HMGB3: variants seen among roughly 807,000 people sequenced by gnomAD.
HMGB3 encodes the protein high mobility group protein B3.
A neutral mutation model predicts 12.9 loss-of-function variants in HMGB3; 1 was observed. The observed-to-expected ratio is 0.08, with a 90% CI of 0.03 to 0.37. HMGB3 has a LOEUF of 0.37. Among genes scored for constraint, HMGB3 ranks in the 10% least tolerant of loss-of-function variants. HMGB3 has a pLI of 0.99. For synonymous variants in HMGB3, 61 were observed against 53.9 expected, an observed-to-expected ratio of 1.13 and a Z score of -0.57; for missense variants, 74 against 153.3, an observed-to-expected ratio of 0.48 and a Z score of 2.73.
In HMGB3 at chrX:150,989,728, T is replaced by C. The variant is rs1034019692; in HGVS notation, c.*1814T>C. On this transcript the variant is annotated 3_prime_UTR_variant, in exon 5 of 5. Transcript: ENST00000325307. ...CCCAGCATTAATATTTGGGTGTGTA[T>C]GTTTGAGGCTATGAAACACGCAGGA... 2 of 111,857 alleles carry C rather than the reference T, an allele frequency of 1.8e-5. No individual in the cohort carries two copies. The highest frequency in any genetic ancestry group is 3.7e-4 in the South Asian group (1 of 2,673). The allele number at this position is 111,857 out of a possible 1,213,427, so 9.2% of individuals were successfully genotyped here.
intron 1 of HMGB3, among the ~76,000 whole-genome samples, chrX:150,984,294 GCCCGGGCC>G (rs1477536575): frequency 1.1e-4 from 10 of 89,231 alleles, no homozygotes; most frequent in African/African-American, 4.0e-4. Context: ...GGGAGGTCCG[GCCCGGGCC>G]CCCGAGCCCC....
intron 1 of HMGB3, chrX:150,984,427 G>A (rs2048028290): frequency 9.7e-6 from 1 of 103,286 alleles, no homozygotes; most frequent in Non-Finnish European, 2.0e-5. Flanking sequence ...CCGGCCGCGC[G>A]CGGATCAGCC....
At position 150,983,398 on chromosome X, in the gene HMGB3, C is replaced by CCCGCCGCCGCCGCCGCCG. The variant is rs782215936; in HGVS notation, c.-6+60_-6+77dup. 25 of 602,278 alleles carry CCCGCCGCCGCCGCCGCCG rather than the reference C, an allele frequency of 4.2e-5. No homozygotes were observed. In the African/African-American group the frequency reaches 4.8e-4, roughly 12 times the overall value. 49.6% of individuals were successfully genotyped at this position (602,278 alleles called of 1,213,427 possible). A position where few individuals can be genotyped will look rare whatever the true frequency, so the allele number is the denominator to read the frequency against. Reference sequence around the variant, plus strand: ...ACAGGTACGTCTCGCACCGCCCGCTCCCGCCGCCGCCGCCGCCGCCGCCGC... The same window carrying CCCGCCGCCGCCGCCGCCG: ...ACAGGTACGTCTCGCACCGCCCGCTCCCGCCGCCGCCGCCGCCGCCGCCGCCGCCGCCGCCGCCGCCGC... On this transcript the variant is annotated intron_variant, in intron 1 of 4. Transcript: ENST00000325307.
chrX:150,988,910 A>G lies in HMGB3; in HGVS notation c.*996A>G. 8.8e-6 allele frequency: 1 copy of G among 113,410 alleles called. No homozygotes were observed. Among genetic ancestry groups the G allele is most frequent in the African/African-American group, 3.2e-5 (1 of 31,258 alleles). 9.3% of individuals were successfully genotyped at this position (113,410 alleles called of 1,213,427 possible). A position where few individuals can be genotyped will look rare whatever the true frequency, so the allele number is the denominator to read the frequency against. On this transcript the variant is annotated 3_prime_UTR_variant, in exon 5 of 5. Coordinates refer to ENST00000325307, the MANE Select transcript of HMGB3 (RefSeq NM_005342.4). ...GCCAGCTCACTTAGGGCTGAGATGAAGGAGAGGGCTACTTGAAGCTACTGT... is the reference window on the plus strand; with the variant it reads ...GCCAGCTCACTTAGGGCTGAGATGAGGGAGAGGGCTACTTGAAGCTACTGT...
At chrX:150,983,075 A>AG (rs34564592), upstream of HMGB3, among the ~76,000 whole-genome samples, 1,358 of 111,365 alleles carry the variant, frequency 0.012, 22 homozygotes, top group African/African-American at 0.04. Flanking sequence ...CTGTTCCCCG[A>AG]GGGGGCTGGC....
At chrX:150,985,293 T>C (rs1759283963) in intron 1 of HMGB3, among the ~76,000 whole-genome samples, 1 of 112,142 alleles carries the variant, frequency 8.9e-6, no homozygotes, top group Admixed American at 9.5e-5. Context: ...ACATAGCAGT[T>C]CTGTAAACGT....
At chrX:150,987,747 C>G in intron 4 of HMGB3, 30 bp from the exon 5 acceptor site, 1 of 1,154,377 alleles carries the variant, frequency 8.7e-7, no homozygotes, top group South Asian at 1.9e-5. Context: ...CAGCCGCATA[C>G]TCATTTGAAA....
Position 150,987,123 on chromosome X carries a change from C to T in HMGB3, c.291-5C>T. The T allele has an allele frequency of 1.7e-6, 2 of 1,186,632 alleles. No homozygotes were observed. The highest frequency in any genetic ancestry group is 2.3e-6 in the Non-Finnish European group (2 of 882,924). ...TTCTCATGTAATGTATGTAATTCTT[C>T]CAAGGTCTGGATTCTTCCTGTTCTG... On this transcript the variant is annotated splice_polypyrimidine_tract_variant and splice_region_variant and intron_variant, in intron 3 of 4. Transcript: ENST00000325307.
chrX:150,984,669 G>C, intron 1 of HMGB3: 2 of 520,530 alleles, frequency 3.8e-6, no homozygotes, highest in Non-Finnish European at 4.7e-6. Flanking sequence ...GGGCCGAGGC[G>C]GGCTGCCTGC....
rs1045011111 is a variant in HMGB3 at position 150,988,608 on chromosome X, A to G, written c.*694A>G. 3.6e-5 allele frequency: 4 copies of G among 112,169 alleles called. No homozygotes were observed. Among genetic ancestry groups the G allele is most frequent in the Admixed American group, 1.9e-4 (2 of 10,489 alleles). The allele number at this position is 112,169 out of a possible 1,213,427, so 9.2% of individuals were successfully genotyped here. On this transcript the variant is annotated 3_prime_UTR_variant, in exon 5 of 5. Coordinates refer to ENST00000325307, the MANE Select transcript of HMGB3 (RefSeq NM_005342.4). ...TAAACTGTTTGTTTTTAAACAAACT[A>G]TAGAACTCTTCATTGTCAGCAAAGC...
chrX:150,990,724 A>T lies in HMGB3; in HGVS notation c.*2810A>T, dbSNP rs1470224378. On this transcript the variant is annotated 3_prime_UTR_variant, in exon 5 of 5. Transcript: ENST00000325307. ...TCACAAATGTATTTGGGGACGTTGGATGCATTCATTTTCTGTAATAAAGTT... is the reference window on the plus strand; with the variant it reads ...TCACAAATGTATTTGGGGACGTTGGTTGCATTCATTTTCTGTAATAAAGTT... 9.0e-6 allele frequency: 1 copy of T among 111,568 alleles called. No individual in the cohort carries two copies. The highest frequency in any genetic ancestry group is 3.3e-5 in the African/African-American group (1 of 30,655). 9.2% of individuals were successfully genotyped at this position (111,568 alleles called of 1,213,427 possible). A position where few individuals can be genotyped will look rare whatever the true frequency, so the allele number is the denominator to read the frequency against.
chrX:150,982,308 A>G (rs781968179), upstream of HMGB3, among the ~76,000 whole-genome samples: 30 of 111,878 alleles, frequency 2.7e-4, no homozygotes, highest in Non-Finnish European at 4.9e-4. Flanking sequence ...CACGAATTTC[A>G]GAACATCCCT....
upstream of HMGB3, chrX:150,983,157 G>T (rs1168230592): frequency 2.1e-5 from 8 of 381,711 alleles, no homozygotes; most frequent in East Asian, 1.4e-3. Context: ...CCGGCGGGTC[G>T]TTCTGTTTGA....
Position 150,990,174 on chromosome X carries a change from A to C in HMGB3, c.*2260A>C, listed in dbSNP as rs1557425356. On this transcript the variant is annotated 3_prime_UTR_variant, in exon 5 of 5. Transcript: ENST00000325307. ...GGAAGAGAAACAACCTGCGGTCAAA[A>C]GGGAGTGATTTGTTAAGTGGTGCGC... The C allele has an allele frequency of 8.9e-6, 1 of 112,088 alleles. No individual in the cohort carries two copies. The highest frequency in any genetic ancestry group is 1.9e-5 in the Non-Finnish European group (1 of 53,244). 9.2% of individuals were successfully genotyped at this position (112,088 alleles called of 1,213,427 possible).
intron 3 of HMGB3, 22 bp downstream of exon 3, chrX:150,986,212 G>A (rs781889291): frequency 2.7e-6 from 3 of 1,131,975 alleles, no homozygotes; most frequent in Non-Finnish European, 3.5e-6. Flanking sequence ...TAGGATTCAA[G>A]ATAACAATTA....
intron 1 of HMGB3, 154 bp downstream of exon 1, chrX:150,983,530 T>A: frequency 1.4e-6 from 1 of 732,554 alleles, no homozygotes; most frequent in Non-Finnish European, 1.6e-6. Flanking sequence ...TACTCCCCAT[T>A]CCCTTCCCGC....
intron 4 of HMGB3, 66 bp downstream of exon 4, chrX:150,987,368 G>T: frequency 1.0e-6 from 1 of 969,977 alleles, no homozygotes; most frequent in Non-Finnish European, 1.4e-6. Flanking sequence ...AGGTTGCAGG[G>T]CATGTGGCAG....
rs968817522 is a variant in HMGB3 at position 150,986,060 on chromosome X, G to A, written c.160G>A (p.Gly54Arg). ...KCSERWKTMSGKEKSKFDEMA... is the reference protein window; with the variant it reads ...KCSERWKTMSRKEKSKFDEMA... ...GTCCTGTTCTTTGCAGACGATGTCC[G>A]GGAAAGAGAAATCTAAATTTGATGA... The change falls in exon 3 of 5, where the codon GGG (glycine) becomes AGG (arginine). Residue 54 changes from glycine to arginine, a missense_variant. Around this residue, in one of 2 missense-constraint regions of HMGB3, gnomAD observed 45 missense variants for 123.8 expected, o/e 0.36. Transcript: ENST00000325307. 4 of 1,206,645 alleles carry A rather than the reference G, an allele frequency of 3.3e-6. No individual in the cohort carries two copies. The highest frequency in any genetic ancestry group is 4.5e-6 in the Non-Finnish European group (4 of 893,614).
intron 2 of HMGB3, 80 bp from the exon 3 acceptor site, chrX:150,985,971 A>G: frequency 9.3e-7 from 1 of 1,076,213 alleles, no homozygotes; most frequent in Non-Finnish European, 1.3e-6. Flanking sequence ...TGGTTCTAGC[A>G]ACTGCTAGTT....
Sources: gnomAD v4.1 joint callset for allele counts (sites outside exome capture counted in the v4.1 genomes callset) on GRCh38, gnomAD v4.1.1 for gene constraint, gnomAD v4.1.1 regional missense constraint, MANE v1.5 for transcripts, NCBI Gene and HGNC (gene_info 2026-07-23, HGNC 2026-07-21) for gene names.